Variants in PAX5 observed in about 807,000 individuals in gnomAD.
PAX5 encodes the protein paired box 5.
A neutral mutation model predicts 43.7 loss-of-function variants in PAX5; 9 were observed. The ratio of observed to expected loss-of-function variants is 0.21; its 90% CI spans 0.12 to 0.36. The LOEUF (loss-of-function observed/expected upper bound fraction) is 0.36. Ranked by LOEUF, PAX5 falls within the 10% of genes least tolerant of loss-of-function variation. The probability of loss-of-function intolerance (pLI) is 1.00; values close to 1 mark genes in which losing one functional copy is unlikely to be tolerated. For synonymous variants in PAX5, 228 were observed against 214.3 expected (o/e 1.06, Z -0.56); for missense variants, 383 against 532.7 (o/e 0.72, Z 2.77).
At chr9:36,906,384 G>C (rs1439364870) in intron 7 of PAX5, among the ~76,000 whole-genome samples, 1 of 152,180 alleles carries the variant, frequency 6.6e-6, no homozygotes, top group African/African-American at 2.4e-5. Flanking sequence ...CCAAGGAGGA[G>C]AGAAGATGCT....
intron 2 of PAX5, among the ~76,000 whole-genome samples, chr9:37,019,124 T>C (rs1320071819): frequency 1.3e-5 from 2 of 152,204 alleles, no homozygotes; most frequent in East Asian, 3.8e-4. Context: ...TAAAGTATTG[T>C]GCTCTCTCTC....
At chr9:36,988,012 G>C (rs569412869) in intron 5 of PAX5, among the ~76,000 whole-genome samples, 7 of 152,304 alleles carry the variant, frequency 4.6e-5, no homozygotes, top group Admixed American at 1.3e-4. Flanking sequence ...GAAAGGAAAC[G>C]AAGAGCGAGA....
At chr9:36,893,303 C>T (rs1323170028) in intron 7 of PAX5, among the ~76,000 whole-genome samples, 1 of 152,198 alleles carries the variant, frequency 6.6e-6, no homozygotes. Context: ...ACGATGCCAG[C>T]AGCACCTTGG....
chr9:36,900,695 C>T (rs1828306376), intron 7 of PAX5, among the ~76,000 whole-genome samples: 1 of 152,140 alleles, frequency 6.6e-6, no homozygotes, highest in Non-Finnish European at 1.5e-5. Context: ...CCCAGAGTCC[C>T]TCTCCAGCTC....
At chr9:36,950,642 G>C (rs1366762300) in intron 6 of PAX5, among the ~76,000 whole-genome samples, 1 of 151,972 alleles carries the variant, frequency 6.6e-6, no homozygotes, top group Non-Finnish European at 1.5e-5. Flanking sequence ...TCCTGGGTCT[G>C]CCCCTTGGAA....
At chr9:37,027,356 A>G (rs2132543853) in intron 1 of PAX5, among the ~76,000 whole-genome samples, 1 of 152,282 alleles carries the variant, frequency 6.6e-6, no homozygotes, top group East Asian at 1.9e-4. Flanking sequence ...GGGACCAGGA[A>G]CGGGGACACC....
chr9:36,913,526 G>A (rs1157541213), intron 7 of PAX5, among the ~76,000 whole-genome samples: 1 of 152,230 alleles, frequency 6.6e-6, no homozygotes, highest in African/African-American at 2.4e-5. Context: ...CAGCAGGCCT[G>A]TGGCCCAATG....
At chr9:36,989,956 G>A (rs1836784873) in intron 5 of PAX5, among the ~76,000 whole-genome samples, 1 of 152,198 alleles carries the variant, frequency 6.6e-6, no homozygotes, top group Non-Finnish European at 1.5e-5. Flanking sequence ...ACAGGCGAGT[G>A]ACAAATGTGA....
chr9:36,905,716 GA>G (rs1197936819), intron 7 of PAX5, among the ~76,000 whole-genome samples: 9 of 151,832 alleles, frequency 5.9e-5, no homozygotes, highest in South Asian at 2.1e-4. Flanking sequence ...ATAGGAGAGG[GA>G]AAAAAAAGAC....
At chr9:36,866,534 C>A (rs1387468864) in intron 8 of PAX5, among the ~76,000 whole-genome samples, 1 of 152,142 alleles carries the variant, frequency 6.6e-6, no homozygotes, top group East Asian at 1.9e-4. Flanking sequence ...AGGAAGAGCA[C>A]AACAAAAGTT....
At chr9:36,918,054 G>A (rs1033560371) in intron 7 of PAX5, among the ~76,000 whole-genome samples, 1 of 152,088 alleles carries the variant, frequency 6.6e-6, no homozygotes, top group Admixed American at 6.6e-5. Flanking sequence ...TCTTCTCCTA[G>A]GGCCTCCCTA....
intron 5 of PAX5, among the ~76,000 whole-genome samples, chr9:37,000,044 A>G (rs1837713789): frequency 6.6e-6 from 1 of 152,162 alleles, no homozygotes; most frequent in African/African-American, 2.4e-5. Context: ...TCCCCAGTCC[A>G]TACCAGCTGT....
intron 6 of PAX5, among the ~76,000 whole-genome samples, chr9:36,934,531 G>T (rs770785636): frequency 1.3e-5 from 2 of 152,172 alleles, no homozygotes; most frequent in African/African-American, 2.4e-5. Context: ...TCTTACAACT[G>T]CATATGAATC....
At chr9:37,010,281 C>T (rs1011271514) in intron 3 of PAX5, among the ~76,000 whole-genome samples, 2 of 152,156 alleles carry the variant, frequency 1.3e-5, no homozygotes, top group Admixed American at 6.5e-5. Context: ...GCAGAGCACA[C>T]TAGACGTTCC....
chr9:37,017,042 T>C (rs1839444162), intron 2 of PAX5, among the ~76,000 whole-genome samples: 1 of 152,244 alleles, frequency 6.6e-6, no homozygotes, highest in Admixed American at 6.5e-5. Flanking sequence ...CAAAAAATTA[T>C]TACTCACAAA....
chr9:36,841,945 G>A (rs544876506), intron 9 of PAX5, among the ~76,000 whole-genome samples: 5 of 152,244 alleles, frequency 3.3e-5, no homozygotes, highest in African/African-American at 1.2e-4. Context: ...TGGGGGCTGA[G>A]TCCTGGAGTC....
chr9:36,958,834 G>T (rs1383451168), intron 6 of PAX5, among the ~76,000 whole-genome samples: 1 of 152,204 alleles, frequency 6.6e-6, no homozygotes, highest in Admixed American at 6.5e-5. Context: ...CTGCTAATGT[G>T]CTGACCAGCC....
At chr9:36,940,322 T>C (rs372642032) in intron 6 of PAX5, among the ~76,000 whole-genome samples, 2 of 152,296 alleles carry the variant, frequency 1.3e-5, no homozygotes, top group African/African-American at 4.8e-5. Context: ...ATTTACATAA[T>C]GGCATTTCTA....
intron 8 of PAX5, among the ~76,000 whole-genome samples, chr9:36,854,911 C>T (rs926233598): frequency 1.3e-5 from 2 of 152,250 alleles, no homozygotes; most frequent in African/African-American, 4.8e-5. Context: ...GCGGACCCCA[C>T]AGCTGGACGG....
Sources: allele counts gnomAD v4.1 joint callset (sites outside exome capture counted in the v4.1 genomes callset), GRCh38; gene constraint gnomAD v4.1.1; transcripts MANE v1.5; gene names NCBI Gene and HGNC (gene_info 2026-07-23, HGNC 2026-07-21).